Variants in FAM168A observed in about 807,000 individuals in gnomAD.
The protein encoded by FAM168A is family with sequence similarity 168 member A, also known as protein FAM168A.
FAM168A carries 3 observed loss-of-function variants against 28.5 expected under a neutral mutation model. That is an observed-to-expected ratio of 0.11 (90% CI 0.05 to 0.27). The LOEUF (loss-of-function observed/expected upper bound fraction) is 0.27. FAM168A is among the 10% of genes least tolerant of loss of function. FAM168A has a pLI of 1.00. For synonymous variants in FAM168A, 122 were observed against 124.2 expected (o/e 0.98, Z 0.12); for missense variants, 222 against 311.5 (o/e 0.71, Z 2.16).
chr11:73,513,209 T>G, intron 1 of FAM168A, among the ~76,000 whole-genome samples: 1 of 140,894 alleles, frequency 7.1e-6, no homozygotes, highest in East Asian at 2.0e-4. Context: ...TTTTTAATTT[T>G]TTTTTTTTTT....
chr11:73,431,766 T>C (rs538157516), intron 2 of FAM168A, among the ~76,000 whole-genome samples: 1 of 152,222 alleles, frequency 6.6e-6, no homozygotes, highest in African/African-American at 2.4e-5. Flanking sequence ...ATTTTTTTTA[T>C]CATGGTAAAA....
intron 1 of FAM168A, among the ~76,000 whole-genome samples, chr11:73,565,134 G>A (rs1004170320): frequency 3.4e-4 from 51 of 152,190 alleles, no homozygotes; most frequent in Non-Finnish European, 1.0e-4. Context: ...CACTGTAAAG[G>A]ACTTGTCCAC....
intron 1 of FAM168A, among the ~76,000 whole-genome samples, chr11:73,582,601 G>T (rs543965546): frequency 5.3e-5 from 8 of 152,202 alleles, no homozygotes; most frequent in Admixed American, 5.2e-4. Context: ...AAATAGTTAA[G>T]TCAAGTCTTA....
At chr11:73,576,870 C>G (rs1277171647) in intron 1 of FAM168A, among the ~76,000 whole-genome samples, 1 of 150,844 alleles carries the variant, frequency 6.6e-6, no homozygotes, top group Non-Finnish European at 1.5e-5. Flanking sequence ...CTGGCTCTCA[C>G]AATACAAAGT....
In FAM168A at chr11:73,597,217, C is replaced by G. The variant is rs1387949413; in HGVS notation, c.-19+706G>C. 2.0e-5 allele frequency among the ~76,000 whole-genome samples: 3 copies of G among 152,118 alleles called. No individual in the cohort carries two copies. In the South Asian group the frequency reaches 6.2e-4, roughly 32 times the overall value. ...CACCTCCACCAACTCCTATTCCAAC[C>G]TCCATCAGCCCACCCCAGGAAACCC... On this transcript the variant is annotated intron_variant, in intron 1 of 7. Coordinates refer to ENST00000356467, the MANE Select transcript of FAM168A (RefSeq NM_015159.3).
At chr11:73,580,404 T>TACCC in intron 1 of FAM168A, 1 of 619,072 alleles carries the variant, frequency 1.6e-6, no homozygotes, top group Non-Finnish European at 3.1e-6. Flanking sequence ...GGAGAGAAGG[T>TACCC]ACCCAAAGGG....
chr11:73,571,434 G>A (rs1944088273), intron 1 of FAM168A, among the ~76,000 whole-genome samples: 1 of 151,888 alleles, frequency 6.6e-6, no homozygotes, highest in Non-Finnish European at 1.5e-5. Flanking sequence ...TTTTGGTGGA[G>A]ACGGGGTTTC....
chr11:73,499,710 C>G (rs868688309), intron 1 of FAM168A, among the ~76,000 whole-genome samples: 1 of 151,976 alleles, frequency 6.6e-6, no homozygotes, highest in East Asian at 1.9e-4. Flanking sequence ...AAACACAGCA[C>G]AAGAACTTCA....
chr11:73,425,610 T>C (rs1297267001), intron 3 of FAM168A, among the ~76,000 whole-genome samples: 1 of 152,240 alleles, frequency 6.6e-6, no homozygotes, highest in Non-Finnish European at 1.5e-5. Flanking sequence ...AGACAGTGTC[T>C]CACTTTGTTG....
intron 1 of FAM168A, among the ~76,000 whole-genome samples, chr11:73,562,608 C>T (rs1298355365): frequency 1.3e-5 from 2 of 152,084 alleles, no homozygotes; most frequent in African/African-American, 4.8e-5. Flanking sequence ...AGGCAGATCA[C>T]CTGAGGTGAG....
chr11:73,412,453 G>A (rs1378057818), intron 4 of FAM168A: 1 of 152,196 alleles, frequency 6.6e-6, no homozygotes, highest in Admixed American at 6.5e-5. Context: ...AAACTGTGCT[G>A]CCTTTTAATC....
intron 1 of FAM168A, among the ~76,000 whole-genome samples, chr11:73,589,735 T>C (rs909836199): frequency 2.6e-5 from 4 of 152,152 alleles, no homozygotes; most frequent in African/African-American, 7.2e-5. Flanking sequence ...AAGACCAGCC[T>C]GGGCAAGATG....
At chr11:73,439,843 T>C (rs1017768438) in intron 2 of FAM168A, among the ~76,000 whole-genome samples, 4 of 150,956 alleles carry the variant, frequency 2.6e-5, no homozygotes, top group African/African-American at 9.7e-5. Flanking sequence ...TGTGAATCGA[T>C]AATTTGGTCC....
intron 1 of FAM168A, among the ~76,000 whole-genome samples, chr11:73,539,196 T>C (rs1943621761): frequency 6.6e-6 from 1 of 152,184 alleles, no homozygotes; most frequent in Non-Finnish European, 1.5e-5. Context: ...AAAAAATCAA[T>C]TGAATTAAAT....
chr11:73,558,469 TA>T (rs367874557), intron 1 of FAM168A, among the ~76,000 whole-genome samples: 9,501 of 75,526 alleles, frequency 0.13, 290 homozygotes, highest in Non-Finnish European at 0.14. Flanking sequence ...ACCCTGTCTC[TA>T]AAAAAAAAAA....
intron 2 of FAM168A, among the ~76,000 whole-genome samples, chr11:73,452,816 ATAAT>A (rs775970049): frequency 6.7e-6 from 1 of 148,196 alleles, no homozygotes; most frequent in African/African-American, 2.6e-5. Flanking sequence ...AAAAAAAATA[ATAAT>A]AATAAGTAAA....
intron 2 of FAM168A, among the ~76,000 whole-genome samples, chr11:73,457,447 G>A (rs1867554595): frequency 6.6e-6 from 1 of 151,184 alleles, no homozygotes; most frequent in South Asian, 2.1e-4. Flanking sequence ...CTAGAGGCAG[G>A]GCAAAAGATG....
chr11:73,590,934 G>C (rs1029081952), intron 1 of FAM168A, among the ~76,000 whole-genome samples: 1 of 152,206 alleles, frequency 6.6e-6, no homozygotes, highest in African/African-American at 2.4e-5. Flanking sequence ...TCTGAGGTCA[G>C]GGGTTCAAGA....
chr11:73,480,845 C>T (rs1867958373), intron 1 of FAM168A, among the ~76,000 whole-genome samples: 1 of 152,182 alleles, frequency 6.6e-6, no homozygotes, highest in African/African-American at 2.4e-5. Flanking sequence ...TGATATCATG[C>T]TGTTTCACAA....
Sources: allele counts gnomAD v4.1 joint callset (sites outside exome capture counted in the v4.1 genomes callset), GRCh38; gene constraint gnomAD v4.1.1; transcripts MANE v1.5; gene names NCBI Gene and HGNC (gene_info 2026-07-23, HGNC 2026-07-21).